The following MTA3 variants were observed in gnomAD, a reference collection of about 807,000 sequenced individuals.
MTA3 encodes the protein metastasis-associated protein MTA3.
A neutral mutation model predicts 83.5 loss-of-function variants in MTA3; 34 were observed. The observed-to-expected ratio is 0.41, with a 90% CI of 0.31 to 0.54. The LOEUF is 0.54. Ranked by LOEUF, MTA3 falls within the 20% of genes least tolerant of loss-of-function variation. The pLI is 0.33. For synonymous variants in MTA3, 303 were observed against 252.7 expected (o/e 1.20, Z -1.89); for missense variants, 761 against 726.4 (o/e 1.05, Z -0.55).
chr2:42,641,510 A>G (rs571105802), intron 5 of MTA3, among the ~76,000 whole-genome samples: 1 of 152,200 alleles, frequency 6.6e-6, no homozygotes, highest in African/African-American at 2.4e-5. Context: ...TCACGGAAGC[A>G]GAAAGAAAAA....
At chr2:42,501,541 G>A (rs148893448) in intron 2 of MTA3, among the ~76,000 whole-genome samples, 2 of 152,242 alleles carry the variant, frequency 1.3e-5, no homozygotes, top group East Asian at 3.9e-4. Context: ...TAACATTTAG[G>A]TAACATTAAA....
chr2:42,651,211 T>G (rs1178987770), intron 6 of MTA3, among the ~76,000 whole-genome samples: 1 of 152,226 alleles, frequency 6.6e-6, no homozygotes, highest in African/African-American at 2.4e-5. Flanking sequence ...TTACTGTGAA[T>G]GGAGCTTGCA....
At chr2:42,539,884 G>A (rs1038073696) in intron 2 of MTA3, among the ~76,000 whole-genome samples, 17 of 152,050 alleles carry the variant, frequency 1.1e-4, no homozygotes, top group African/African-American at 4.1e-4. Flanking sequence ...GCATTTTAAA[G>A]CTCTTGATAA....
chr2:42,535,705 G>A (rs1676195450), intron 2 of MTA3, among the ~76,000 whole-genome samples: 1 of 150,106 alleles, frequency 6.7e-6, no homozygotes, highest in Non-Finnish European at 1.5e-5. Context: ...AGAAGGAAGA[G>A]GAGAATGAAT....
At chr2:42,530,463 G>A (rs535264537) in intron 2 of MTA3, among the ~76,000 whole-genome samples, 1 of 151,450 alleles carries the variant, frequency 6.6e-6, no homozygotes, top group African/African-American at 2.4e-5. Context: ...CTCCAGCCTG[G>A]GCGACAGAGC....
chr2:42,748,910 T>A (rs1669647604), intron 16 of MTA3, among the ~76,000 whole-genome samples: 1 of 152,218 alleles, frequency 6.6e-6, no homozygotes, highest in African/African-American at 2.4e-5. Context: ...TTATTAAGCC[T>A]CACATATTTC....
At chr2:42,497,570 G>C (rs1193537411) in intron 2 of MTA3, among the ~76,000 whole-genome samples, 1 of 151,104 alleles carries the variant, frequency 6.6e-6, no homozygotes, top group African/African-American at 2.4e-5. Context: ...GGGTGATGGA[G>C]CGAGACTCCA....
In MTA3 at chr2:42,744,317, T is replaced by C. The variant is rs112326838; in HGVS notation, c.1760-9057T>C. On this transcript the variant is annotated intron_variant, in intron 16 of 16. Transcript: ENST00000405094. Reference sequence around the variant, plus strand: ...AATTAGCCACCCCTGGGACCATTCCTGGGTTTACTAATATCACAGCTTCTC... The same window carrying C: ...AATTAGCCACCCCTGGGACCATTCCCGGGTTTACTAATATCACAGCTTCTC... Among the ~76,000 whole-genome samples, 22 of 152,318 alleles carry C rather than the reference T, an allele frequency of 1.4e-4. 1 individual carries two copies. The highest frequency in any genetic ancestry group is 5.1e-4 in the African/African-American group (21 of 41,572).
intron 2 of MTA3, among the ~76,000 whole-genome samples, chr2:42,535,384 C>CA (rs1175687234): frequency 1.9e-4 from 28 of 144,958 alleles, no homozygotes; most frequent in East Asian, 4.0e-4. Flanking sequence ...AAGACTTTGT[C>CA]AAAAAAAAAA....
chr2:42,533,705 G>A (rs1219389641), intron 2 of MTA3, among the ~76,000 whole-genome samples: 11 of 149,494 alleles, frequency 7.4e-5, no homozygotes, highest in Non-Finnish European at 1.3e-4. Flanking sequence ...AGTGGCGGGC[G>A]CCTGTAGTCC....
intron 4 of MTA3, among the ~76,000 whole-genome samples, chr2:42,617,942 A>T (rs74594384): frequency 0.013 from 1,912 of 145,472 alleles, 24 homozygotes; most frequent in Admixed American, 0.048. Flanking sequence ...CTCTTTTTTT[A>T]AAAAAAAAAA....
At position 42,743,266 on chromosome 2, in the gene MTA3, G is replaced by T. The variant is rs77518186; in HGVS notation, c.1760-10108G>T. Among the ~76,000 whole-genome samples, 869 of 152,314 alleles carry T rather than the reference G, an allele frequency of 5.7e-3. 7 individuals carry two copies. The highest frequency in any genetic ancestry group is 0.02 in the African/African-American group (813 of 41,566). The stretch of plus-strand genomic sequence containing the variant: ...GTCTGCAGATCTTCCATTCCAATGA[G>T]CAGGGACAAGGCGATTGCCTGCTAT... On this transcript the variant is annotated intron_variant, in intron 16 of 16. Transcript: ENST00000405094.
chr2:42,701,914 C>CA (rs900951217), intron 11 of MTA3, among the ~76,000 whole-genome samples: 4 of 122,944 alleles, frequency 3.3e-5, no homozygotes, highest in East Asian at 2.5e-4. Context: ...AACTCCATCT[C>CA]AAAAAAAATA....
chr2:42,665,245 A>C (rs1690129255), intron 8 of MTA3, among the ~76,000 whole-genome samples: 1 of 152,174 alleles, frequency 6.6e-6, no homozygotes, highest in South Asian at 2.1e-4. Flanking sequence ...TACAAAAGTT[A>C]GCTGGATGTG....
Position 42,499,618 on chromosome 2 carries a change from C to T in MTA3, c.-141+4364C>T, listed in dbSNP as rs1267295102. ...CAGCCTGACCAACATGGAGAAACCCCGTCTCTACTAAAAATACAAAATTAG... is the reference window on the plus strand; with the variant it reads ...CAGCCTGACCAACATGGAGAAACCCTGTCTCTACTAAAAATACAAAATTAG... On this transcript the variant is annotated intron_variant, in intron 2 of 17. Coordinates refer to the MTA3 transcript ENST00000405592. 2.0e-5 allele frequency among the ~76,000 whole-genome samples: 3 copies of T among 150,678 alleles called. No individual in the cohort carries two copies. In the East Asian group the frequency reaches 6.1e-4, roughly 31 times the overall value.
intron 3 of MTA3, among the ~76,000 whole-genome samples, chr2:42,585,308 G>A (rs1211478222): frequency 1.3e-5 from 2 of 151,722 alleles, no homozygotes; most frequent in Non-Finnish European, 2.9e-5. Flanking sequence ...GGGTGGTCTC[G>A]AACTCCCAAC....
At chr2:42,684,312 A>G (rs1692189849) in intron 9 of MTA3, among the ~76,000 whole-genome samples, 1 of 152,342 alleles carries the variant, frequency 6.6e-6, no homozygotes, top group South Asian at 2.1e-4. Flanking sequence ...CCTGCCTTTT[A>G]TGTTGCTGCA....
At chr2:42,616,206 A>T (rs1684865929) in intron 4 of MTA3, among the ~76,000 whole-genome samples, 2 of 151,996 alleles carry the variant, frequency 1.3e-5, no homozygotes, top group South Asian at 4.1e-4. Context: ...ATTTACAGGC[A>T]TGTGCCACCA....
intron 11 of MTA3, chr2:42,702,720 A>G (rs1665697426): frequency 6.6e-6 from 1 of 152,226 alleles, no homozygotes; most frequent in Non-Finnish European, 1.5e-5. Flanking sequence ...CACTGAACAA[A>G]TACATGTTAA....
Sources: allele counts gnomAD v4.1 joint callset (sites outside exome capture counted in the v4.1 genomes callset), GRCh38; gene constraint gnomAD v4.1.1; transcripts MANE v1.5; gene names NCBI Gene and HGNC (gene_info 2026-07-23, HGNC 2026-07-21).